Variants in EPHA6 observed in about 807,000 individuals in gnomAD.
The protein encoded by EPHA6 is EPH receptor A6.
A neutral mutation model predicts 112.0 loss-of-function variants in EPHA6; 50 were observed. The ratio of observed to expected loss-of-function variants is 0.45; its 90% CI spans 0.36 to 0.56. EPHA6 has a LOEUF of 0.56. Ranked by LOEUF, EPHA6 falls within the 20% of genes least tolerant of loss-of-function variation. The pLI is 0.00. For synonymous variants in EPHA6, 529 were observed against 490.7 expected (o/e 1.08, Z -1.03); for missense variants, 1,280 against 1,417.4 (o/e 0.90, Z 1.56).
At chr3:96,871,626 CATTT>C (rs1376595534) in intron 2 of EPHA6, among the ~76,000 whole-genome samples, 2 of 151,848 alleles carry the variant, frequency 1.3e-5, no homozygotes, top group African/African-American at 4.8e-5. Context: ...CATGTACACT[CATTT>C]ATTTAATCTT....
chr3:96,971,814 T>C (rs2042326533), intron 2 of EPHA6, among the ~76,000 whole-genome samples: 1 of 152,132 alleles, frequency 6.6e-6, no homozygotes, highest in South Asian at 2.1e-4. Context: ...CAACTTTTCA[T>C]TCTCAGCCAT....
chr3:97,330,521 C>T (rs944818588), intron 5 of EPHA6, among the ~76,000 whole-genome samples: 2 of 151,928 alleles, frequency 1.3e-5, no homozygotes, highest in Admixed American at 1.3e-4. Flanking sequence ...TTCTCTTTGA[C>T]GAGGTCCTTC....
intron 1 of EPHA6, among the ~76,000 whole-genome samples, chr3:96,826,512 A>T (rs755728635): frequency 6.6e-6 from 1 of 152,106 alleles, no homozygotes; most frequent in Non-Finnish European, 1.5e-5. Context: ...GTCTAAGATT[A>T]TCCTGTTCAG....
At chr3:96,837,037 T>C (rs1292014740) in intron 1 of EPHA6, among the ~76,000 whole-genome samples, 1 of 152,070 alleles carries the variant, frequency 6.6e-6, no homozygotes, top group Non-Finnish European at 1.5e-5. Flanking sequence ...TGGCACTATG[T>C]GAGGGCATCT....
intron 13 of EPHA6, 46 bp from the exon 14 acceptor site, chr3:97,637,827 A>T (rs751126502): frequency 7.2e-7 from 1 of 1,397,164 alleles, no homozygotes; most frequent in Non-Finnish European, 1.0e-6. Context: ...ACACGCACAC[A>T]CTGCATTAAA....
intron 10 of EPHA6, among the ~76,000 whole-genome samples, chr3:97,492,722 C>T (rs1351214053): frequency 1.3e-5 from 2 of 150,980 alleles, no homozygotes; most frequent in African/African-American, 2.4e-5. Context: ...AATTGTTGTT[C>T]AAAGAATGTA....
intron 5 of EPHA6, among the ~76,000 whole-genome samples, chr3:97,287,545 C>T (rs141927386): frequency 6.6e-6 from 1 of 151,340 alleles, no homozygotes; most frequent in African/African-American, 2.4e-5. Context: ...GGCCTTTGGG[C>T]CTACATCCTT....
At chr3:97,003,723 T>C (rs1451441144) in intron 3 of EPHA6, among the ~76,000 whole-genome samples, 7 of 152,114 alleles carry the variant, frequency 4.6e-5, no homozygotes, top group African/African-American at 1.4e-4. Context: ...ATTTGTTACA[T>C]AGGTATATTT....
chr3:97,670,286 A>G (rs1406050750), intron 14 of EPHA6, among the ~76,000 whole-genome samples: 2 of 152,224 alleles, frequency 1.3e-5, no homozygotes, highest in African/African-American at 2.4e-5. Flanking sequence ...GCTTCCCACA[A>G]GAGTTTGAAA....
In EPHA6 at chr3:97,232,027, A is replaced by G. The variant is rs183704207; in HGVS notation, c.1270+5608A>G. ...GACAGGTTGACAGGAAAGGTCAGAG[A>G]GAGATTTTGGTTTCGAGGTTTATTT... On this transcript the variant is annotated intron_variant, in intron 4 of 17. Coordinates refer to ENST00000389672, the MANE Select transcript of EPHA6 (RefSeq NM_001080448.3). Among the ~76,000 whole-genome samples the G allele has an allele frequency of 2.6e-5, 4 of 152,272 alleles. No individual in the cohort carries two copies. In the East Asian group the frequency reaches 7.7e-4, roughly 29 times the overall value.
chr3:97,272,758 C>A (rs1002253271), intron 5 of EPHA6, among the ~76,000 whole-genome samples: 8 of 152,088 alleles, frequency 5.3e-5, no homozygotes, highest in Non-Finnish European at 1.2e-4. Context: ...ATTTTCACTT[C>A]TTTTGTGGTG....
intron 5 of EPHA6, among the ~76,000 whole-genome samples, chr3:97,324,430 TTTC>T (rs1310368520): frequency 2.8e-5 from 4 of 145,210 alleles, no homozygotes; most frequent in African/African-American, 5.3e-5. Flanking sequence ...TCTTTCTTTC[TTTC>T]TTTCTTTCTT....
At chr3:97,054,117 A>C (rs146006740) in intron 3 of EPHA6, among the ~76,000 whole-genome samples, 229 of 151,972 alleles carry the variant, frequency 1.5e-3, no homozygotes, top group African/African-American at 5.4e-3. Context: ...CAGCAAGTGC[A>C]AAAAGCATGT....
At chr3:97,701,818 C>A (rs2033409823) in intron 14 of EPHA6, among the ~76,000 whole-genome samples, 1 of 152,088 alleles carries the variant, frequency 6.6e-6, no homozygotes, top group African/African-American at 2.4e-5. Context: ...AACCCCTCAA[C>A]TATAATGCAA....
At chr3:97,316,473 G>A (rs2081842831) in intron 5 of EPHA6, among the ~76,000 whole-genome samples, 1 of 151,758 alleles carries the variant, frequency 6.6e-6, no homozygotes. Flanking sequence ...ATCTTTCCAG[G>A]GATTGCTGCG....
chr3:97,560,935 TTTA>T (rs1203831097), intron 11 of EPHA6, among the ~76,000 whole-genome samples: 4 of 152,192 alleles, frequency 2.6e-5, no homozygotes, highest in African/African-American at 7.2e-5. Context: ...TATTTAATTT[TTTA>T]TTATTATTAC....
At chr3:97,169,481 C>T (rs2076631937) in intron 3 of EPHA6, among the ~76,000 whole-genome samples, 1 of 152,060 alleles carries the variant, frequency 6.6e-6, no homozygotes, top group African/African-American at 2.4e-5. Context: ...TAATCTTCCT[C>T]TCCCTATCTA....
At position 97,448,654 on chromosome 3, in the gene EPHA6, A is replaced by G. The variant is rs759198382; in HGVS notation, c.1818A>G (p.Val606=). 1 of 1,613,566 alleles carries G rather than the reference A, an allele frequency of 6.2e-7. No homozygotes were observed. The part of the protein sequence containing the change: ...ITGLKPATKY[V]FHIRVRTATG... ...GTCTTAAGCCAGCCACCAAATATGT[A>G]TTTCACATCCGAGTGAGAACTGCGA... is the stretch of plus-strand genomic sequence containing the variant. The change falls in exon 7 of 18, where the codon GTA becomes GTG. Residue 606 remains valine, a synonymous_variant. Transcript: ENST00000389672.
chr3:97,048,741 G>T (rs2045591368), intron 3 of EPHA6, among the ~76,000 whole-genome samples: 1 of 152,108 alleles, frequency 6.6e-6, no homozygotes, highest in African/African-American at 2.4e-5. Flanking sequence ...GAACAAAACT[G>T]TGCAAAATCC....
Sources: gnomAD v4.1 joint callset for allele counts (sites outside exome capture counted in the v4.1 genomes callset) on GRCh38, gnomAD v4.1.1 for gene constraint, MANE v1.5 for transcripts, NCBI Gene and HGNC (gene_info 2026-07-23, HGNC 2026-07-21) for gene names.